ARID4B: variants seen among roughly 807,000 people sequenced by gnomAD.
The protein encoded by ARID4B is AT-rich interactive domain-containing protein 4B.
In ARID4B, 26 loss-of-function variants were observed where a neutral mutation model predicts 147.5. The observed-to-expected ratio is 0.18, with a 90% CI of 0.13 to 0.24. The LOEUF (loss-of-function observed/expected upper bound fraction) is 0.24, where lower values mean the gene tolerates loss of function less well. Among genes scored for constraint, ARID4B ranks in the 10% least tolerant of loss-of-function variants. ARID4B has a pLI of 1.00. For missense variants in ARID4B, 1,179 were observed against 1,511.5 expected (o/e 0.78, Z 3.65); for synonymous variants, 512 against 507.9 (o/e 1.01, Z -0.11).
chr1:235,212,091 G>A (rs7523199), intron 17 of ARID4B, among the ~76,000 whole-genome samples: 132 of 151,902 alleles, frequency 8.7e-4, no homozygotes, highest in African/African-American at 3.0e-3. Flanking sequence ...CTAAAAATAC[G>A]AAAATTAGCC....
At chr1:235,198,898 G>A (rs192024139) in intron 17 of ARID4B, among the ~76,000 whole-genome samples, 5 of 152,258 alleles carry the variant, frequency 3.3e-5, no homozygotes, top group Admixed American at 6.5e-5. Flanking sequence ...TCAGGAGTTC[G>A]AGACCAGCCT....
At chr1:235,170,930 A>AAAAAC (rs1663306114) in intron 23 of ARID4B, among the ~76,000 whole-genome samples, 1 of 150,134 alleles carries the variant, frequency 6.7e-6, no homozygotes, top group African/African-American at 2.4e-5. Context: ...AAAAAAAAAA[A>AAAAAC]AAAACCACAC....
In ARID4B at chr1:235,260,675, C is replaced by G; in HGVS notation, c.84G>C (p.Lys28Asn). 1 of 1,612,166 alleles carries G rather than the reference C, an allele frequency of 6.2e-7. No individual in the cohort carries two copies. ...AKYRGAFCEAKIKTAKRLVKV... is the reference protein window; with the variant it reads ...AKYRGAFCEANIKTAKRLVKV... ...TGACAAGTCTTTTTGCTGTCTTGAT[C>G]TTGGCTTCACAAAAGGCTCCTCTGT... Residue 28 changes from lysine to asparagine, a missense_variant, in exon 3 of 24, where the codon AAG (lysine) becomes AAC (asparagine). Coordinates refer to ENST00000264183, the MANE Select transcript of ARID4B (RefSeq NM_016374.6).
At chr1:235,208,672 T>C (rs1666489910) in intron 17 of ARID4B, among the ~76,000 whole-genome samples, 3 of 134,138 alleles carry the variant, frequency 2.2e-5, no homozygotes, top group African/African-American at 7.5e-5. Flanking sequence ...CTGGCTAATT[T>C]TGTGTTTTTT....
chr1:235,293,891 G>A (rs1331660295), intron 2 of ARID4B, among the ~76,000 whole-genome samples: 1 of 152,134 alleles, frequency 6.6e-6, no homozygotes, highest in Non-Finnish European at 1.5e-5. Context: ...GCAAATTTAA[G>A]CAATGTAATC....
At chr1:235,303,204 T>C (rs1259702751) in intron 2 of ARID4B, among the ~76,000 whole-genome samples, 1 of 152,008 alleles carries the variant, frequency 6.6e-6, no homozygotes, top group Non-Finnish European at 1.5e-5. Flanking sequence ...ATTACAGGCC[T>C]GAGCCACCAC....
chr1:235,238,139 A>T (rs2103066799), intron 8 of ARID4B, among the ~76,000 whole-genome samples: 1 of 149,786 alleles, frequency 6.7e-6, no homozygotes, highest in East Asian at 1.9e-4. Context: ...GCGAAACTCC[A>T]TCTCAAAAAA....
chr1:235,247,154 TAAG>T (rs1053589385), intron 6 of ARID4B, among the ~76,000 whole-genome samples: 3 of 152,172 alleles, frequency 2.0e-5, no homozygotes, highest in African/African-American at 7.2e-5. Context: ...TTCCTCATCC[TAAG>T]AAGAATCTTT....
intron 12 of ARID4B, 27 bp downstream of exon 12, chr1:235,224,676 C>A (rs370349149): frequency 2.7e-6 from 4 of 1,459,736 alleles, no homozygotes; most frequent in Non-Finnish European, 3.8e-6. Context: ...AAACTTACCA[C>A]GTTAATGATA....
chr1:235,291,509 G>A (rs6699829), intron 2 of ARID4B, among the ~76,000 whole-genome samples: 19,958 of 151,758 alleles, frequency 0.13, 1,520 homozygotes, highest in African/African-American at 0.2. Flanking sequence ...TTTTTTTGGT[G>A]TGCAAGTTAT....
intron 12 of ARID4B, among the ~76,000 whole-genome samples, chr1:235,223,700 T>TG (rs397962251): frequency 6.7e-6 from 1 of 148,978 alleles, no homozygotes; most frequent in African/African-American, 2.5e-5. Flanking sequence ...TTTTTTTTTT[T>TG]CATTCTAACA....
chr1:235,176,315 C>T (rs1663863552), intron 21 of ARID4B, among the ~76,000 whole-genome samples: 1 of 151,454 alleles, frequency 6.6e-6, no homozygotes, highest in South Asian at 2.1e-4. Flanking sequence ...ATAGTAAACT[C>T]TTGAAGACAA....
Position 235,175,297 on chromosome 1 carries a change from G to A in ARID4B, c.3551C>T (p.Ser1184Phe). 1.2e-6 allele frequency: 2 copies of A among 1,614,050 alleles called. No homozygotes were observed. Among genetic ancestry groups the A allele is most frequent in the Non-Finnish European group, 1.7e-6 (2 of 1,179,954 alleles). ...STGMKSHSTK[S>F]PARTQSPGKC... ...TCCTGGAGACTGCGTCCTTGCGGGA[G>A]ATTTGGTACTATGAGACTTCATTCC... Residue 1184 changes from serine (S) to phenylalanine (F), a missense_variant, in exon 22 of 24, where the codon TCT becomes TTT. Transcript: ENST00000264183.
intron 20 of ARID4B, chr1:235,181,007 A>G (rs1210365192): frequency 7.7e-6 from 4 of 522,720 alleles, no homozygotes; most frequent in African/African-American, 4.1e-5. Flanking sequence ...ATTAACGTAC[A>G]CATTGGTCCT....
chr1:235,181,020 A>C (rs1664276648), intron 20 of ARID4B: 1 of 705,448 alleles, frequency 1.4e-6, no homozygotes, highest in African/African-American at 1.9e-5. Context: ...TTGGTCCTTC[A>C]ATTTGGAAGC....
chr1:235,281,303 C>T (rs1188375671), intron 2 of ARID4B, among the ~76,000 whole-genome samples: 1 of 152,086 alleles, frequency 6.6e-6, no homozygotes, highest in Non-Finnish European at 1.5e-5. Context: ...GTAATCTCAG[C>T]ACTTTGGGAG....
rs1675440847 is a variant in ARID4B at position 235,327,785 on chromosome 1, A to C, written c.-66T>G. On this transcript the variant is annotated 5_prime_UTR_variant, in exon 1 of 24. Transcript: ENST00000264183. The stretch of plus-strand genomic sequence containing the variant: ...TATCCCTACCTTCCTCGGAGGCGAG[A>C]TCTGACCCTGGCACGTCCAGAGTCC... 1 of 152,712 alleles carries C rather than the reference A, an allele frequency of 6.5e-6. No homozygotes were observed. Among genetic ancestry groups the C allele is most frequent in the Admixed American group, 6.5e-5 (1 of 15,294 alleles). 9.5% of individuals were successfully genotyped at this position (152,712 alleles called of 1,614,324 possible). A position where few individuals can be genotyped will look rare whatever the true frequency, so the allele number is the denominator to read the frequency against.
intron 2 of ARID4B, among the ~76,000 whole-genome samples, chr1:235,316,619 G>C (rs1468603043): frequency 2.6e-5 from 4 of 151,994 alleles, no homozygotes; most frequent in African/African-American, 9.7e-5. Context: ...GAGTTCGAGA[G>C]ACCAGCCTGG....
intron 17 of ARID4B, among the ~76,000 whole-genome samples, chr1:235,199,526 G>A (rs1350403439): frequency 6.6e-6 from 1 of 152,160 alleles, no homozygotes; most frequent in Admixed American, 6.5e-5. Context: ...GTGAAAGACA[G>A]TGCTTGCCAA....
Sources: gnomAD v4.1 joint callset for allele counts (sites outside exome capture counted in the v4.1 genomes callset) on GRCh38, gnomAD v4.1.1 for gene constraint, MANE v1.5 for transcripts, NCBI Gene and HGNC (gene_info 2026-07-23, HGNC 2026-07-21) for gene names.